SCFD1: variants seen among roughly 807,000 people sequenced by gnomAD.
The protein encoded by SCFD1 is sec1 family domain containing 1.
Under a neutral mutation model 103.2 loss-of-function variants are expected in SCFD1, and 37 were observed. That is an observed-to-expected ratio of 0.36 (90% CI 0.28 to 0.47). The LOEUF is 0.47. Ranked by LOEUF, SCFD1 falls within the 20% of genes least tolerant of loss-of-function variation. The pLI, the probability that SCFD1 is intolerant of heterozygous loss-of-function variation, is 1.00. For missense variants in SCFD1, 639 were observed against 761.2 expected, an observed-to-expected ratio of 0.84 and a Z score of 1.89; for synonymous variants, 264 against 245.0, an observed-to-expected ratio of 1.08 and a Z score of -0.73.
At chr14:30,648,881 G>A (rs1886119138) in intron 7 of SCFD1, among the ~76,000 whole-genome samples, 1 of 151,836 alleles carries the variant, frequency 6.6e-6, no homozygotes, top group Non-Finnish European at 1.5e-5. Flanking sequence ...GGCTGAGGTG[G>A]GAGGATGGTT....
At chr14:30,647,300 A>T (rs1246273648) in intron 7 of SCFD1, among the ~76,000 whole-genome samples, 1 of 152,186 alleles carries the variant, frequency 6.6e-6, no homozygotes, top group Non-Finnish European at 1.5e-5. Context: ...TAAGATTTAG[A>T]CAAATGTTTA....
chr14:30,702,554 AAC>A (rs1366330814), intron 17 of SCFD1, among the ~76,000 whole-genome samples, 179 bp downstream of exon 17: 5 of 152,126 alleles, frequency 3.3e-5, no homozygotes, highest in African/African-American at 1.2e-4. Context: ...AATTACATAA[AAC>A]AGTGATGCCT....
At chr14:30,682,390 A>G (rs1023755697) in intron 14 of SCFD1, among the ~76,000 whole-genome samples, 1 of 152,202 alleles carries the variant, frequency 6.6e-6, no homozygotes, top group African/African-American at 2.4e-5. Flanking sequence ...GTATCATAGA[A>G]CACCTTTAAA....
chr14:30,659,317 CAATT>C (rs1370061591), intron 10 of SCFD1, among the ~76,000 whole-genome samples: 7 of 151,556 alleles, frequency 4.6e-5, no homozygotes, highest in Non-Finnish European at 7.4e-5. Flanking sequence ...ATCATGTAAT[CAATT>C]AATAATTTAA....
At chr14:30,662,935 A>G (rs976404083) in intron 10 of SCFD1, among the ~76,000 whole-genome samples, 14 of 152,206 alleles carry the variant, frequency 9.2e-5, no homozygotes, top group African/African-American at 2.7e-4. Flanking sequence ...GTGACTGTCA[A>G]TGGAAACAGA....
chr14:30,732,435 T>G (rs1893541228), intron 23 of SCFD1, among the ~76,000 whole-genome samples: 1 of 152,182 alleles, frequency 6.6e-6, no homozygotes, highest in South Asian at 2.1e-4. Context: ...GCCCTTTAGA[T>G]CCATTAAATT....
intron 19 of SCFD1, among the ~76,000 whole-genome samples, chr14:30,714,780 A>G (rs1892158224): frequency 6.6e-6 from 1 of 152,248 alleles, no homozygotes; most frequent in African/African-American, 2.4e-5. Context: ...ATAAAGTACA[A>G]TAGATACAAG....
At chr14:30,652,330 T>C (rs1886473679) in intron 9 of SCFD1, 1 of 152,198 alleles carries the variant, frequency 6.6e-6, no homozygotes, top group Non-Finnish European at 1.5e-5. Context: ...GGTGGTACTT[T>C]ATTTCACATC....
intron 14 of SCFD1, among the ~76,000 whole-genome samples, chr14:30,688,701 G>T (rs1272193285): frequency 1.5e-5 from 1 of 64,710 alleles, no homozygotes; most frequent in Admixed American, 1.9e-4. Flanking sequence ...TTGAGCCTAT[G>T]TGTGTCTCTG....
Position 30,708,056 on chromosome 14 carries a change from G to A in SCFD1, c.1620G>A (p.Leu540=). 1 of 1,602,934 alleles carries A rather than the reference G, an allele frequency of 6.2e-7. No individual in the cohort carries two copies. The highest frequency in any genetic ancestry group is 8.5e-7 in the Non-Finnish European group (1 of 1,169,930). ...FVMEGVKNLV[L]KQQNLPVTRI... is the part of the protein sequence containing the mutation. ...TGGAAGGAGTGAAGAACCTGGTTTT[G>A]AAACAGCAAGTAAGTACACTTGTTA... Residue 540 remains leucine (L), a synonymous_variant, in exon 19 of 25, where the codon TTG becomes TTA. Transcript: ENST00000458591.
intron 21 of SCFD1, among the ~76,000 whole-genome samples, chr14:30,721,513 CTA>C (rs1022656073): frequency 8.2e-5 from 12 of 146,854 alleles, no homozygotes; most frequent in African/African-American, 3.0e-4. Context: ...TACCCACAAA[CTA>C]TATATAATAT....
intron 10 of SCFD1, among the ~76,000 whole-genome samples, chr14:30,668,836 G>C (rs929919670): frequency 2.0e-5 from 3 of 152,074 alleles, no homozygotes; most frequent in African/African-American, 7.2e-5. Flanking sequence ...AAATGCAAAT[G>C]AAAACCACAA....
chr14:30,728,269 A>T (rs1227320091), intron 23 of SCFD1, among the ~76,000 whole-genome samples: 1 of 152,200 alleles, frequency 6.6e-6, no homozygotes, highest in Non-Finnish European at 1.5e-5. Flanking sequence ...AAAGTGTTTC[A>T]AACATTTGCT....
At chr14:30,631,160 T>G (rs1884078915) in intron 3 of SCFD1, among the ~76,000 whole-genome samples, 1 of 152,056 alleles carries the variant, frequency 6.6e-6, no homozygotes, top group Non-Finnish European at 1.5e-5. Flanking sequence ...GAGACCAGCC[T>G]GGTCACGTGG....
intron 14 of SCFD1, among the ~76,000 whole-genome samples, chr14:30,694,358 A>C (rs1166304085): frequency 6.6e-6 from 1 of 152,232 alleles, no homozygotes; most frequent in Non-Finnish European, 1.5e-5. Flanking sequence ...TATATTCAAA[A>C]GTAAGACACT....
intron 7 of SCFD1, among the ~76,000 whole-genome samples, chr14:30,647,951 A>G (rs1278522933): frequency 2.0e-5 from 3 of 152,172 alleles, no homozygotes; most frequent in East Asian, 1.9e-4. Flanking sequence ...ATGCCCGGCC[A>G]GTGATTTATT....
intron 14 of SCFD1, among the ~76,000 whole-genome samples, chr14:30,678,248 C>T (rs1004106784): frequency 2.0e-5 from 3 of 152,050 alleles, no homozygotes; most frequent in Non-Finnish European, 4.4e-5. Flanking sequence ...AGAGTATAAC[C>T]GCTTCTTACA....
chr14:30,715,931 C>G lies in SCFD1; in HGVS notation c.1637C>G (p.Pro546Arg). Residue 546 changes from proline (P) to arginine (R), a missense_variant, in exon 20 of 25, where the codon CCT (proline) becomes CGT (arginine). Coordinates refer to ENST00000458591, the MANE Select transcript of SCFD1 (RefSeq NM_016106.4). ...KNLVLKQQNL[P>R]VTRILDNLME... is the part of the protein sequence containing the mutation. ...CAAAATACTTTTCCACAGAATCTAC[C>G]TGTTACTCGTATTTTGGACAATCTT... The G allele has an allele frequency of 6.5e-7, 1 of 1,541,906 alleles. No homozygotes were observed. Among genetic ancestry groups the G allele is most frequent in the Non-Finnish European group, 8.8e-7 (1 of 1,131,280 alleles).
chr14:30,715,840 C>G lies in SCFD1; in HGVS notation c.1630-84C>G, dbSNP rs539000310. On this transcript the variant is annotated intron_variant, in intron 19 of 24. Transcript: ENST00000458591. The stretch of plus-strand genomic sequence containing the variant: ...TGTGTTTAATTGAAAGGTAAGCATA[C>G]TTAACTGTAGAATGATCAGGTTGTT... 7 of 708,910 alleles carry G rather than the reference C, an allele frequency of 9.9e-6. No individual in the cohort carries two copies. The South Asian group carries it at 1.3e-4, about 13-fold the overall frequency. 43.9% of individuals were successfully genotyped at this position (708,910 alleles called of 1,614,324 possible).
Sources: gnomAD v4.1 joint callset for allele counts (sites outside exome capture counted in the v4.1 genomes callset) on GRCh38, gnomAD v4.1.1 for gene constraint, MANE v1.5 for transcripts, NCBI Gene and HGNC (gene_info 2026-07-23, HGNC 2026-07-21) for gene names.